The following M1AP variants were observed in gnomAD, a reference collection of about 807,000 sequenced individuals.
M1AP encodes meiosis 1 arrest protein.
M1AP carries 39 observed loss-of-function variants against 51.2 expected under a neutral mutation model. The observed-to-expected ratio is 0.76, with a 90% confidence interval of 0.59 to 1.00. The LOEUF (loss-of-function observed/expected upper bound fraction) is 1.00, where lower values mean the gene tolerates loss of function less well. Among genes scored for constraint, M1AP ranks in the 50% least tolerant of loss-of-function variants. The pLI, the probability that M1AP is intolerant of heterozygous loss-of-function variation, is 0.00. For missense variants in M1AP, 545 were observed against 641.2 expected, an observed-to-expected ratio of 0.85 and a Z score of 1.62; for synonymous variants, 251 against 249.2, an observed-to-expected ratio of 1.01 and a Z score of -0.07.
At chr2:74,560,396 C>T in intron 8 of M1AP, 105 bp from the exon 9 acceptor site, 1 of 1,209,482 alleles carries the variant, frequency 8.3e-7, no homozygotes, top group South Asian at 1.5e-5. Context: ...AGTGTGAAAC[C>T]CCAGGGCTGC....
At chr2:74,633,141 T>G (rs1483317482) in intron 2 of M1AP, among the ~76,000 whole-genome samples, 2 of 152,182 alleles carry the variant, frequency 1.3e-5, no homozygotes, top group Non-Finnish European at 2.9e-5. Flanking sequence ...GCAGGAGATC[T>G]GCATGTGGGA....
chr2:74,635,967 G>C (rs992029604), intron 2 of M1AP, among the ~76,000 whole-genome samples: 2 of 152,024 alleles, frequency 1.3e-5, no homozygotes, highest in African/African-American at 4.8e-5. Context: ...TTGTTGTTAG[G>C]TGGAGTATTA....
intron 2 of M1AP, among the ~76,000 whole-genome samples, chr2:74,623,587 G>A (rs555125853): frequency 7.9e-5 from 12 of 151,900 alleles, no homozygotes; most frequent in South Asian, 2.1e-4. Context: ...TGGGCTCCAC[G>A]CACTGATATA....
chr2:74,567,939 C>T lies in M1AP; in HGVS notation c.1075-5516G>A, dbSNP rs114288594. On this transcript the variant is annotated intron_variant, in intron 7 of 10. Transcript: ENST00000421985. ...AAATAATCTGTGAGGAAGACAGAAA[C>T]AATTTTCAAGTGAAAAATCAGGGAA... Among the ~76,000 whole-genome samples, 421 of 152,290 alleles carry T rather than the reference C, an allele frequency of 2.8e-3. 1 individual carries two copies. The highest frequency in any genetic ancestry group is 9.4e-3 in the African/African-American group (392 of 41,542).
At chr2:74,634,453 G>A (rs11904312) in intron 2 of M1AP, among the ~76,000 whole-genome samples, 4,200 of 152,178 alleles carry the variant, frequency 0.028, 180 homozygotes, top group African/African-American at 0.096. Flanking sequence ...CTCCTCAAAG[G>A]GTAGTACAAA....
chr2:74,611,422 G>C (rs1169306630), intron 3 of M1AP, among the ~76,000 whole-genome samples: 1 of 152,126 alleles, frequency 6.6e-6, no homozygotes, highest in Non-Finnish European at 1.5e-5. Flanking sequence ...TGTATATACA[G>C]GAATGTATCC....
At chr2:74,617,926 A>G (rs1681766992) in intron 2 of M1AP, among the ~76,000 whole-genome samples, 1 of 152,196 alleles carries the variant, frequency 6.6e-6, no homozygotes, top group African/African-American at 2.4e-5. Context: ...GCACATGTCA[A>G]CTATGGAGAA....
At chr2:74,592,775 A>C (rs919265513) in intron 4 of M1AP, among the ~76,000 whole-genome samples, 5 of 152,070 alleles carry the variant, frequency 3.3e-5, no homozygotes, top group African/African-American at 1.2e-4. Flanking sequence ...AATACTTTTA[A>C]TATTATTATT....
In M1AP at chr2:74,576,453, T is replaced by C. The variant is rs1309424510; in HGVS notation, c.932+3A>G. On this transcript the variant is annotated splice_donor_region_variant and intron_variant, in intron 6 of 10. Transcript: ENST00000421985. ...GGATTGGGGAGGTTCCCTTGGACCATACTTGATCACTTGGAGCTTGTAATG... is the reference window on the plus strand; with the variant it reads ...GGATTGGGGAGGTTCCCTTGGACCACACTTGATCACTTGGAGCTTGTAATG... 6.2e-7 allele frequency: 1 copy of C among 1,613,452 alleles called. No homozygotes were observed. The highest frequency in any genetic ancestry group is 1.7e-5 in the Admixed American group (1 of 60,022).
chr2:74,575,624 G>A (rs1167732980), intron 6 of M1AP, 45 bp from the exon 7 acceptor site: 1 of 1,478,770 alleles, frequency 6.8e-7, no homozygotes, highest in East Asian at 2.3e-5. Flanking sequence ...GTGATATCTA[G>A]AACCTCCACC....
intron 2 of M1AP, among the ~76,000 whole-genome samples, chr2:74,639,337 T>G (rs564184714): frequency 6.6e-6 from 1 of 152,342 alleles, no homozygotes; most frequent in South Asian, 2.1e-4. Context: ...ATAACGTATA[T>G]TAGCAGCAAG....
intron 1 of M1AP, among the ~76,000 whole-genome samples, chr2:74,645,531 T>C (rs1683557151): frequency 1.3e-5 from 2 of 152,240 alleles, no homozygotes; most frequent in South Asian, 4.2e-4. Context: ...CCATAAGACA[T>C]GCCCACCAGT....
At chr2:74,584,341 G>T (rs1268449779) in intron 4 of M1AP, among the ~76,000 whole-genome samples, 1 of 151,526 alleles carries the variant, frequency 6.6e-6, no homozygotes, top group Middle Eastern at 3.2e-3. Context: ...AGGCATGGTG[G>T]CTCATGCCTG....
intron 3 of M1AP, among the ~76,000 whole-genome samples, chr2:74,608,128 G>A (rs1292974703): frequency 6.6e-6 from 1 of 152,062 alleles, no homozygotes; most frequent in East Asian, 1.9e-4. Context: ...GACTCTTGGT[G>A]TAGTACATTC....
At chr2:74,582,604 C>T (rs558924368) in intron 4 of M1AP, among the ~76,000 whole-genome samples, 2 of 152,308 alleles carry the variant, frequency 1.3e-5, no homozygotes, top group African/African-American at 4.8e-5. Flanking sequence ...GGAAGGCTAT[C>T]ATCAAACTGT....
chr2:74,584,830 T>C (rs546676362), intron 4 of M1AP, among the ~76,000 whole-genome samples: 1 of 140,420 alleles, frequency 7.1e-6, no homozygotes, highest in African/African-American at 2.7e-5. Flanking sequence ...ATATATATAT[T>C]TTATTATTAT....
chr2:74,558,794 C>T lies in M1AP; in HGVS notation c.1515G>A (p.Lys505=). The change falls in exon 11 of 11, where the codon AAG becomes AAA. Residue 505 remains lysine, a synonymous_variant. Transcript: ENST00000421985. ...PMTPVPGRAS[K]MPAASKSSSD... ...AGGAAGATTTGCTGGCTGCTGGCAT[C>T]TTGGAGGCTCTGCCTGGGACAGGAG... The T allele has an allele frequency of 6.2e-7, 1 of 1,611,908 alleles. No individual in the cohort carries two copies. The highest frequency in any genetic ancestry group is 8.5e-7 in the Non-Finnish European group (1 of 1,179,162).
At chr2:74,639,809 A>G (rs1244043315) in intron 2 of M1AP, among the ~76,000 whole-genome samples, 1 of 152,204 alleles carries the variant, frequency 6.6e-6, no homozygotes, top group Non-Finnish European at 1.5e-5. Context: ...TGGAGCTTGT[A>G]GCCTATTTAT....
chr2:74,558,451 T>C lies in M1AP; in HGVS notation c.*265A>G. The C allele has an allele frequency of 4.7e-6, 2 of 425,098 alleles. No homozygotes were observed. Among genetic ancestry groups the C allele is most frequent in the Non-Finnish European group, 8.3e-6 (2 of 241,328 alleles). The allele number at this position is 425,098 out of a possible 1,614,324, so 26.3% of individuals were successfully genotyped here. A position where few individuals can be genotyped will look rare whatever the true frequency, so the allele number is the denominator to read the frequency against. ...ACAATGGTAGAAGCTTACTGGGTGT[T>C]TAATCTTCACCTGTGTAAACAGTAG... On this transcript the variant is annotated 3_prime_UTR_variant, in exon 11 of 11. Transcript: ENST00000421985.
Sources: gnomAD v4.1 joint callset for allele counts (sites outside exome capture counted in the v4.1 genomes callset) on GRCh38, gnomAD v4.1.1 for gene constraint, MANE v1.5 for transcripts, NCBI Gene and HGNC (gene_info 2026-07-23, HGNC 2026-07-21) for gene names.